Variants in CELF2 observed in about 807,000 individuals in gnomAD.
CELF2 encodes the protein CUGBP Elav-like family member 2, also known as CUG triplet repeat RNA-binding protein 2.
CELF2 carries 8 observed loss-of-function variants against 62.6 expected under a neutral mutation model. That is an observed-to-expected ratio of 0.13 (90% CI 0.07 to 0.23). The LOEUF is 0.23. Among genes scored for constraint, CELF2 ranks in the 10% least tolerant of loss-of-function variants. CELF2 has a pLI of 1.00. For missense variants in CELF2, 333 were observed against 671.0 expected (o/e 0.50, Z 5.56); for synonymous variants, 258 against 250.0 (o/e 1.03, Z -0.30).
intron 2 of CELF2, among the ~76,000 whole-genome samples, chr10:11,203,762 C>A (rs774678228): frequency 2.6e-5 from 4 of 152,192 alleles, no homozygotes; most frequent in Non-Finnish European, 1.5e-5. Flanking sequence ...TCCCAGCCAT[C>A]CCCATTTTGG....
At chr10:10,685,521 T>C in the CELF2 span, among the ~76,000 whole-genome samples, 1 of 152,252 alleles carries the variant, frequency 6.6e-6, no homozygotes, top group Non-Finnish European at 1.5e-5. Context: ...GATTCACTTC[T>C]AATACTATCA....
chr10:10,595,303 G>A, the CELF2 span, among the ~76,000 whole-genome samples: 546 of 144,020 alleles, frequency 3.8e-3, 3 homozygotes, highest in Admixed American at 0.015. Flanking sequence ...GTAGGAAGGA[G>A]TACCACAGTC....
chr10:10,494,934 A>G, the CELF2 span, among the ~76,000 whole-genome samples: 1 of 152,206 alleles, frequency 6.6e-6, no homozygotes, highest in South Asian at 2.1e-4. Flanking sequence ...ATATTAGCCT[A>G]TAAGCAATTA....
chr10:10,499,841 G>T, the CELF2 span, among the ~76,000 whole-genome samples: 1 of 152,182 alleles, frequency 6.6e-6, no homozygotes. Context: ...TCATGCCACT[G>T]CACTCCAGCT....
At chr10:10,497,889 T>A in the CELF2 span, among the ~76,000 whole-genome samples, 1 of 152,176 alleles carries the variant, frequency 6.6e-6, no homozygotes, top group Non-Finnish European at 1.5e-5. Flanking sequence ...ACATCTTCAC[T>A]CTGGATTTTC....
chr10:11,093,955 C>T (rs536577724), intron 1 of CELF2, among the ~76,000 whole-genome samples: 1 of 152,282 alleles, frequency 6.6e-6, no homozygotes, highest in South Asian at 2.1e-4. Flanking sequence ...TTAGTAGCCA[C>T]TTAACAATTG....
At chr10:10,662,809 G>GTTA in the CELF2 span, among the ~76,000 whole-genome samples, 2 of 152,150 alleles carry the variant, frequency 1.3e-5, no homozygotes, top group African/African-American at 4.8e-5. Flanking sequence ...TGTGTTAATT[G>GTTA]GAGAGCACAT....
intron 1 of CELF2, among the ~76,000 whole-genome samples, chr10:11,099,349 C>T (rs2050791460): frequency 6.6e-6 from 1 of 152,138 alleles, no homozygotes; most frequent in African/African-American, 2.4e-5. Context: ...CAAAAACATT[C>T]GTATTTTTTA....
At chr10:11,205,681 G>T (rs1457922280) in intron 2 of CELF2, among the ~76,000 whole-genome samples, 1 of 152,146 alleles carries the variant, frequency 6.6e-6, no homozygotes, top group Non-Finnish European at 1.5e-5. Flanking sequence ...AACTGTCATG[G>T]TATCTGCCAT....
chr10:10,819,867 T>G (rs2056810648), intron 1 of CELF2, among the ~76,000 whole-genome samples: 1 of 152,212 alleles, frequency 6.6e-6, no homozygotes, highest in South Asian at 2.1e-4. Context: ...TTGTATGTTA[T>G]CTGGGTGGTC....
chr10:10,917,526 A>T (rs1240507528), intron 1 of CELF2, among the ~76,000 whole-genome samples: 3 of 152,114 alleles, frequency 2.0e-5, no homozygotes, highest in Non-Finnish European at 4.4e-5. Context: ...TGTTTAGTAG[A>T]GACAGGGTCT....
chr10:10,473,406 G>T, the CELF2 span, among the ~76,000 whole-genome samples: 31 of 152,088 alleles, frequency 2.0e-4, no homozygotes, highest in African/African-American at 7.2e-4. Context: ...TGAACTTCTG[G>T]CCTGTAGAAC....
At chr10:10,834,051 C>T (rs920281512) in intron 1 of CELF2, among the ~76,000 whole-genome samples, 5 of 152,076 alleles carry the variant, frequency 3.3e-5, no homozygotes, top group African/African-American at 7.2e-5. Context: ...AGCAAAGACA[C>T]GGAATCAACC....
At chr10:10,649,204 G>C in the CELF2 span, among the ~76,000 whole-genome samples, 4 of 152,112 alleles carry the variant, frequency 2.6e-5, no homozygotes, top group Non-Finnish European at 5.9e-5. Context: ...AAAATGGTAT[G>C]GCTTTTGTTA....
intron 1 of CELF2, among the ~76,000 whole-genome samples, chr10:11,025,626 T>C (rs2059078882): frequency 6.6e-6 from 1 of 152,228 alleles, no homozygotes; most frequent in Admixed American, 6.5e-5. Flanking sequence ...CAGGCAGTTC[T>C]TTATAGCAGT....
the CELF2 span, among the ~76,000 whole-genome samples, chr10:10,636,338 A>C: frequency 6.6e-6 from 1 of 152,222 alleles, no homozygotes; most frequent in Admixed American, 6.5e-5. Context: ...GAGTTTAACT[A>C]TATATGACAG....
At chr10:11,250,733 A>G (rs1311774349) in intron 4 of CELF2, among the ~76,000 whole-genome samples, 1 of 152,242 alleles carries the variant, frequency 6.6e-6, no homozygotes, top group Non-Finnish European at 1.5e-5. Context: ...CTGCAGTTGT[A>G]AAATGGAATT....
chr10:11,122,913 T>G (rs2058036309), intron 1 of CELF2, among the ~76,000 whole-genome samples: 1 of 152,198 alleles, frequency 6.6e-6, no homozygotes, highest in South Asian at 2.1e-4. Flanking sequence ...GGCCAGGGCT[T>G]GAGGGAAGCT....
At chr10:11,079,102 C>A (rs759894839) in intron 1 of CELF2, among the ~76,000 whole-genome samples, 1 of 152,108 alleles carries the variant, frequency 6.6e-6, no homozygotes, top group Non-Finnish European at 1.5e-5. Flanking sequence ...ACTCCCTACC[C>A]TCTCTGGAGT....
Sources: gnomAD v4.1 joint callset for allele counts (sites outside exome capture counted in the v4.1 genomes callset) on GRCh38, gnomAD v4.1.1 for gene constraint, MANE v1.5 for transcripts, NCBI Gene and HGNC (gene_info 2026-07-23, HGNC 2026-07-21) for gene names.